Variants in LCLAT1 observed in about 807,000 individuals in gnomAD.
LCLAT1 encodes the protein lysocardiolipin acyltransferase 1, also known as 1-AGP acyltransferase 8.
In LCLAT1, 11 loss-of-function variants were observed where a neutral mutation model predicts 30.7. That is an observed-to-expected ratio of 0.36 (90% CI 0.23 to 0.59). The LOEUF is 0.59. LCLAT1 is among the 20% of genes least tolerant of loss of function. The probability of loss-of-function intolerance (pLI) is 0.77; values close to 1 mark genes in which losing one functional copy is unlikely to be tolerated. For synonymous variants in LCLAT1, 155 were observed against 151.3 expected (o/e 1.02, Z -0.18); for missense variants, 402 against 458.6 (o/e 0.88, Z 1.13).
rs189551124 is a variant in LCLAT1, at chr2:30,539,773, T to C, written c.364+6459T>C. On this transcript the variant is annotated intron_variant, in intron 3 of 5. Coordinates refer to ENST00000379509, the MANE Select transcript of LCLAT1 (RefSeq NM_001002257.3). ...TAAAAGAATCTCTAATAATTTGTTA[T>C]TATGTGCTGTGTACAGAATACTGTG... Among the ~76,000 whole-genome samples, 1,120 of 152,290 alleles carry C rather than the reference T, an allele frequency of 7.4e-3. 6 individuals are homozygous for C. The highest frequency in any genetic ancestry group is 9.9e-3 in the Admixed American group (151 of 15,300).
At chr2:30,586,021 T>A (rs577026275) in intron 5 of LCLAT1, among the ~76,000 whole-genome samples, 1 of 152,154 alleles carries the variant, frequency 6.6e-6, no homozygotes. Context: ...GGCAGGCAGA[T>A]CACGAGGTCC....
intron 1 of LCLAT1, chr2:30,459,697 A>G (rs774736553): frequency 7.4e-6 from 12 of 1,613,826 alleles, no homozygotes; most frequent in Middle Eastern, 1.7e-4. Context: ...CACGTACTTC[A>G]TAAAGCAGGA....
chr2:30,534,302 T>C (rs1199889054), intron 3 of LCLAT1, among the ~76,000 whole-genome samples: 4 of 150,478 alleles, frequency 2.7e-5, no homozygotes, highest in Non-Finnish European at 5.9e-5. Flanking sequence ...TCTCTGTCGC[T>C]CAGGCTGGAG....
At position 30,459,547 on chromosome 2, in the gene LCLAT1, C is replaced by T. The variant is rs923873845; in HGVS notation, c.-5+12164C>T. On this transcript the variant is annotated intron_variant, in intron 1 of 5. Transcript: ENST00000379509. The stretch of plus-strand genomic sequence containing the variant: ...CTTTTTTTCTCCCATTTGTCCTGTT[C>T]ACAGGCTGAAAAACAGAGTGGGTAC... 1.5e-5 allele frequency: 17 copies of T among 1,099,608 alleles called. No individual in the cohort carries two copies. The African/African-American group carries it at 2.6e-4, about 17-fold the overall frequency. The allele number at this position is 1,099,608 out of a possible 1,614,324, so 68.1% of individuals were successfully genotyped here.
At position 30,640,754 on chromosome 2, in the gene LCLAT1, C is replaced by A. The variant is rs533574894; in HGVS notation, c.*135C>A. On this transcript the variant is annotated 3_prime_UTR_variant, in exon 6 of 6. Transcript: ENST00000379509. ...ATCATTATTTGTTAAAGATATTTTG[C>A]ACTTAATTTTGTGGGAAAAATATTG... 1.6e-5 allele frequency: 18 copies of A among 1,154,458 alleles called. 1 individual carries two copies. In the African/African-American group the frequency reaches 2.7e-4, roughly 17 times the overall value. The allele number at this position is 1,154,458 out of a possible 1,614,324, so 71.5% of individuals were successfully genotyped here. A position where few individuals can be genotyped will look rare whatever the true frequency, so the allele number is the denominator to read the frequency against.
At chr2:30,482,867 T>A (rs1380728210) in intron 1 of LCLAT1, among the ~76,000 whole-genome samples, 1 of 151,898 alleles carries the variant, frequency 6.6e-6, no homozygotes, top group African/African-American at 2.4e-5. Context: ...AGAAGCACCC[T>A]CTCTGGAGTA....
chr2:30,624,093 C>G (rs2148519680), intron 5 of LCLAT1, among the ~76,000 whole-genome samples: 1 of 152,264 alleles, frequency 6.6e-6, no homozygotes, highest in Admixed American at 6.5e-5. Context: ...CAAGCCAGCA[C>G]TACAAGAACT....
At chr2:30,618,056 C>A (rs1206268645) in intron 5 of LCLAT1, among the ~76,000 whole-genome samples, 1 of 152,058 alleles carries the variant, frequency 6.6e-6, no homozygotes, top group Admixed American at 6.6e-5. Context: ...GAAACTGTTG[C>A]CTAGTCCAGG....
intron 3 of LCLAT1, among the ~76,000 whole-genome samples, chr2:30,539,281 G>T (rs1328784428): frequency 1.6e-5 from 2 of 124,624 alleles, no homozygotes; most frequent in African/African-American, 6.2e-5. Context: ...TTTAAACAGG[G>T]TCTCACTCTC....
intron 4 of LCLAT1, among the ~76,000 whole-genome samples, chr2:30,563,152 G>A (rs1260879261): frequency 2.0e-5 from 3 of 151,694 alleles, no homozygotes; most frequent in African/African-American, 7.3e-5. Context: ...CAAGCTTATA[G>A]TGTCTGGGAC....
At chr2:30,562,962 G>C (rs1665309578) in intron 4 of LCLAT1, among the ~76,000 whole-genome samples, 2 of 152,094 alleles carry the variant, frequency 1.3e-5, no homozygotes, top group Admixed American at 1.3e-4. Context: ...GAATAGCTTT[G>C]CCCTTCTTCA....
At chr2:30,578,074 G>T (rs959386348) in intron 5 of LCLAT1, among the ~76,000 whole-genome samples, 4 of 152,062 alleles carry the variant, frequency 2.6e-5, no homozygotes, top group African/African-American at 9.7e-5. Context: ...TATGTAGATA[G>T]TTGTTTGTCT....
intron 5 of LCLAT1, among the ~76,000 whole-genome samples, chr2:30,618,993 A>G (rs1050007677): frequency 1.3e-5 from 2 of 152,176 alleles, no homozygotes; most frequent in Non-Finnish European, 2.9e-5. Flanking sequence ...CAAGTCTGGT[A>G]ACAAGTGCTA....
chr2:30,461,494 G>A (rs1682125048), intron 1 of LCLAT1, among the ~76,000 whole-genome samples: 1 of 152,056 alleles, frequency 6.6e-6, no homozygotes, highest in Non-Finnish European at 1.5e-5. Context: ...CTCCTAGGCT[G>A]AAGCGGTCCT....
At chr2:30,465,502 C>T (rs1339250216) in intron 1 of LCLAT1, among the ~76,000 whole-genome samples, 3 of 152,192 alleles carry the variant, frequency 2.0e-5, no homozygotes, top group African/African-American at 4.8e-5. Context: ...TAGGAAACTA[C>T]TGTACACCCT....
chr2:30,515,557 C>A (rs888321560), intron 1 of LCLAT1, among the ~76,000 whole-genome samples: 1 of 152,128 alleles, frequency 6.6e-6, no homozygotes, highest in Admixed American at 6.5e-5. Context: ...GTTGTTAATT[C>A]GCTGAAAGGA....
At chr2:30,573,445 C>T (rs1272361717) in intron 5 of LCLAT1, among the ~76,000 whole-genome samples, 1 of 152,108 alleles carries the variant, frequency 6.6e-6, no homozygotes, top group Non-Finnish European at 1.5e-5. Flanking sequence ...GGAGTAAGGT[C>T]TCACAGAATT....
intron 1 of LCLAT1, among the ~76,000 whole-genome samples, chr2:30,477,004 G>A (rs1250689874): frequency 1.3e-5 from 2 of 152,152 alleles, no homozygotes; most frequent in South Asian, 4.1e-4. Context: ...GGCCCATAAG[G>A]TATTTTACTT....
At chr2:30,637,781 T>G (rs1197219257) in intron 5 of LCLAT1, among the ~76,000 whole-genome samples, 1 of 152,172 alleles carries the variant, frequency 6.6e-6, no homozygotes, top group African/African-American at 2.4e-5. Context: ...TTTCACCATC[T>G]TGGTCAGGCT....
Sources: gnomAD v4.1 joint callset for allele counts (sites outside exome capture counted in the v4.1 genomes callset) on GRCh38, gnomAD v4.1.1 for gene constraint, MANE v1.5 for transcripts, NCBI Gene and HGNC (gene_info 2026-07-23, HGNC 2026-07-21) for gene names.